Variants in CNTNAP3 observed in about 807,000 individuals in gnomAD.
The protein encoded by CNTNAP3 is contactin-associated protein-like 3.
A neutral mutation model predicts 92.1 loss-of-function variants in CNTNAP3; 36 were observed. The observed-to-expected ratio is 0.39, with a 90% confidence interval of 0.30 to 0.52. CNTNAP3 has a LOEUF of 0.52. CNTNAP3 is among the 20% of genes least tolerant of loss of function. The pLI is 0.76. For missense variants in CNTNAP3, 534 were observed against 1,069.6 expected, an observed-to-expected ratio of 0.50 and a Z score of 6.98; for synonymous variants, 232 against 422.3, an observed-to-expected ratio of 0.55 and a Z score of 5.53.
At chr9:39,114,055 C>CATAT (rs765973060) in intron 14 of CNTNAP3, among the ~76,000 whole-genome samples, 3 of 144,504 alleles carry the variant, frequency 2.1e-5, no homozygotes, top group Non-Finnish European at 3.0e-5. Flanking sequence ...CACACACACA[C>CATAT]ATATATATAT....
chr9:39,140,731 T>G (rs931753947), intron 11 of CNTNAP3, 93 bp from the exon 12 acceptor site: 2 of 1,468,330 alleles, frequency 1.4e-6, no homozygotes, highest in Middle Eastern at 1.8e-4. Context: ...TACAGACATG[T>G]GATACATATG....
chr9:39,133,151 C>G lies in CNTNAP3; in HGVS notation c.1877-16G>C. ...GCGGCGTCTGCTGAGCAGAAACGGGCAAAGGAGAGGCATCACTGGACGGCA... is the reference window on the plus strand; with the variant it reads ...GCGGCGTCTGCTGAGCAGAAACGGGGAAAGGAGAGGCATCACTGGACGGCA... On this transcript the variant is annotated splice_polypyrimidine_tract_variant and intron_variant, in intron 12 of 23. Transcript: ENST00000297668. 1 of 1,567,332 alleles carries G rather than the reference C, an allele frequency of 6.4e-7. No individual in the cohort carries two copies. Among genetic ancestry groups the G allele is most frequent in the Non-Finnish European group, 8.6e-7 (1 of 1,161,730 alleles).
chr9:39,111,190 A>C (rs1826740104), intron 14 of CNTNAP3, among the ~76,000 whole-genome samples: 1 of 152,024 alleles, frequency 6.6e-6, no homozygotes, highest in Non-Finnish European at 1.5e-5. Context: ...GAACATTACA[A>C]TTCTCTTCTG....
At chr9:39,075,714 C>T (rs1587692136) in intron 23 of CNTNAP3, among the ~76,000 whole-genome samples, 1 of 152,284 alleles carries the variant, frequency 6.6e-6, no homozygotes, top group Admixed American at 6.5e-5. Context: ...CCTTCGGACA[C>T]CTAAAATTGC....
chr9:39,209,455 TG>T (rs1436894877), intron 3 of CNTNAP3, among the ~76,000 whole-genome samples: 2 of 35,758 alleles, frequency 5.6e-5, no homozygotes, highest in Non-Finnish European at 1.1e-4. Context: ...CAAGTTTAAA[TG>T]GGAAAATAAA....
intron 21 of CNTNAP3, among the ~76,000 whole-genome samples, chr9:39,082,461 G>GGA (rs1564068054): frequency 6.7e-6 from 1 of 150,032 alleles, no homozygotes; most frequent in Non-Finnish European, 1.5e-5. Flanking sequence ...CTCTTTCTTG[G>GGA]AAAAAAAAAC....
intron 3 of CNTNAP3, among the ~76,000 whole-genome samples, chr9:39,202,216 T>C (rs1822542474): frequency 5.4e-5 from 2 of 37,104 alleles, no homozygotes; most frequent in African/African-American, 8.9e-5. Context: ...TCTAATGTGG[T>C]GTGGCCGACC....
intron 21 of CNTNAP3, among the ~76,000 whole-genome samples, chr9:39,081,207 G>A (rs1324487246): frequency 2.7e-5 from 4 of 150,792 alleles, no homozygotes; most frequent in African/African-American, 4.9e-5. Flanking sequence ...ATTTTAGCCA[G>A]CACTACTATT....
chr9:39,157,558 C>T (rs148929692), intron 9 of CNTNAP3, among the ~76,000 whole-genome samples: 2,065 of 98,640 alleles, frequency 0.021, 197 homozygotes, highest in East Asian at 0.13. Flanking sequence ...ATGTTAGCCA[C>T]GATGGTCTCA....
In CNTNAP3 at chr9:39,068,148, C is replaced by T. The variant is rs1315412201; in HGVS notation, c.*5742G>A. On this transcript the variant is annotated 3_prime_UTR_variant, in exon 24 of 24. Coordinates refer to ENST00000297668, the MANE Select transcript of CNTNAP3 (RefSeq NM_033655.5). The stretch of plus-strand genomic sequence containing the variant: ...GGCGCAGTGGCTTACGCCTGTGATA[C>T]CAGCGCTTTAGGAGGCTGAGGTGGG... Among the ~76,000 whole-genome samples the T allele has an allele frequency of 2.4e-3, 362 of 150,848 alleles. No homozygotes were observed. Among genetic ancestry groups the T allele is most frequent in the African/African-American group, 3.1e-3 (126 of 40,998 alleles).
At chr9:39,113,839 G>A (rs1365672236) in intron 14 of CNTNAP3, among the ~76,000 whole-genome samples, 1 of 150,972 alleles carries the variant, frequency 6.6e-6, no homozygotes, top group African/African-American at 2.4e-5. Context: ...GCTATATCAA[G>A]TTTGTTAATT....
chr9:39,141,433 C>A (rs915519107), intron 11 of CNTNAP3, among the ~76,000 whole-genome samples: 1 of 151,990 alleles, frequency 6.6e-6, no homozygotes. Flanking sequence ...ATAATTAAAG[C>A]TGATTTAAAA....
chr9:39,115,825 T>C lies in CNTNAP3; in HGVS notation c.2237+2278A>G, dbSNP rs566062947. 9.2e-5 allele frequency among the ~76,000 whole-genome samples: 14 copies of C among 151,922 alleles called. No individual in the cohort carries two copies. The South Asian group carries it at 2.9e-3, about 32-fold the overall frequency. ...TCCCATTCCCCTCCTCAAACTCAGT[T>C]CATGGGAGGGTCACTCAATACAGGT... On this transcript the variant is annotated intron_variant, in intron 14 of 23. Transcript: ENST00000297668.
chr9:39,123,295 C>T (rs1301137633), intron 13 of CNTNAP3, among the ~76,000 whole-genome samples: 4 of 151,844 alleles, frequency 2.6e-5, no homozygotes, highest in South Asian at 2.1e-4. Context: ...GTGGTTTCCC[C>T]GTGGTAGCCA....
At chr9:39,118,905 T>C (rs1820934479) in intron 13 of CNTNAP3, among the ~76,000 whole-genome samples, 1 of 152,290 alleles carries the variant, frequency 6.6e-6, no homozygotes, top group Non-Finnish European at 1.5e-5. Context: ...TGCACCTCCT[T>C]CTCAGCACTG....
chr9:39,101,846 C>T (rs1244035701), intron 17 of CNTNAP3, among the ~76,000 whole-genome samples: 3 of 152,278 alleles, frequency 2.0e-5, no homozygotes, highest in Non-Finnish European at 2.9e-5. Flanking sequence ...GTCACATATG[C>T]CAATCCTCTG....
chr9:39,113,789 T>C (rs1204546510), intron 14 of CNTNAP3, among the ~76,000 whole-genome samples: 1 of 151,656 alleles, frequency 6.6e-6, no homozygotes, highest in Non-Finnish European at 1.5e-5. Flanking sequence ...TAATACATTC[T>C]ATAAAGAAAT....
chr9:39,070,903 C>G lies in CNTNAP3; in HGVS notation c.*2987G>C, dbSNP rs1380417342. Among the ~76,000 whole-genome samples, 13 of 123,580 alleles carry G rather than the reference C, an allele frequency of 1.1e-4. No individual in the cohort carries two copies. The East Asian group carries it at 1.4e-3, about 13-fold the overall frequency. 81.1% of individuals were successfully genotyped at this position (123,580 alleles called of 152,430 possible). A position where few individuals can be genotyped will look rare whatever the true frequency, so the allele number is the denominator to read the frequency against. ...AGAATTATTGGTCAGTCTAGGCAAA[C>G]AGTATCAAACAGCCTAATATGATTT... On this transcript the variant is annotated 3_prime_UTR_variant, in exon 24 of 24. Coordinates refer to ENST00000297668, the MANE Select transcript of CNTNAP3 (RefSeq NM_033655.5).
At chr9:39,113,604 T>C (rs905629364) in intron 14 of CNTNAP3, among the ~76,000 whole-genome samples, 1 of 152,024 alleles carries the variant, frequency 6.6e-6, no homozygotes, top group African/African-American at 2.4e-5. Flanking sequence ...TTTTATCACT[T>C]ACATCTATTT....
Sources: gnomAD v4.1 joint callset for allele counts (sites outside exome capture counted in the v4.1 genomes callset) on GRCh38, gnomAD v4.1.1 for gene constraint, MANE v1.5 for transcripts, NCBI Gene and HGNC (gene_info 2026-07-23, HGNC 2026-07-21) for gene names.